Variants in PKP4 observed in about 807,000 individuals in gnomAD.
PKP4 encodes the protein plakophilin-4.
In PKP4, 90 loss-of-function variants were observed where a neutral mutation model predicts 145.1. That is an observed-to-expected ratio of 0.62 (90% CI 0.52 to 0.74). The LOEUF (loss-of-function observed/expected upper bound fraction) is 0.74, where lower values mean the gene tolerates loss of function less well. Ranked by LOEUF, PKP4 falls within the 30% of genes least tolerant of loss-of-function variation. The pLI, the probability that PKP4 is intolerant of heterozygous loss-of-function variation, is 0.00. For synonymous variants in PKP4, 563 were observed against 577.2 expected (o/e 0.98, Z 0.35); for missense variants, 1,340 against 1,482.7 (o/e 0.90, Z 1.58).
intron 1 of PKP4, among the ~76,000 whole-genome samples, chr2:158,516,317 TTAAG>T (rs1305281143): frequency 2.6e-5 from 4 of 152,226 alleles, no homozygotes; most frequent in South Asian, 2.1e-4. Context: ...AGATTACACT[TTAAG>T]TAACAAGATT....
intron 9 of PKP4, among the ~76,000 whole-genome samples, chr2:158,637,656 C>T (rs1009646653): frequency 2.0e-5 from 3 of 152,240 alleles, no homozygotes; most frequent in African/African-American, 7.2e-5. Flanking sequence ...TGTTTCCCTC[C>T]TCTCAAGGAT....
intron 11 of PKP4, among the ~76,000 whole-genome samples, chr2:158,646,533 G>A (rs1339965430): frequency 6.6e-6 from 1 of 152,142 alleles, no homozygotes; most frequent in African/African-American, 2.4e-5. Context: ...TATAGAGACA[G>A]CAAAATTGCT....
chr2:158,521,191 T>C (rs1279236841), intron 1 of PKP4, among the ~76,000 whole-genome samples: 2 of 152,226 alleles, frequency 1.3e-5, no homozygotes, highest in Non-Finnish European at 2.9e-5. Flanking sequence ...ATTTACACTG[T>C]CATCAGCAGC....
intron 2 of PKP4, chr2:158,548,741 G>T: frequency 3.3e-6 from 1 of 301,898 alleles, no homozygotes. Context: ...GTACTGACCA[G>T]AGACAAAGCA....
At chr2:158,470,147 C>T (rs755895099) in intron 1 of PKP4, among the ~76,000 whole-genome samples, 1 of 152,212 alleles carries the variant, frequency 6.6e-6, no homozygotes, top group Non-Finnish European at 1.5e-5. Flanking sequence ...CTGTAATTCT[C>T]TCATGTAGCA....
intron 1 of PKP4, among the ~76,000 whole-genome samples, chr2:158,473,228 A>G (rs1328853249): frequency 1.3e-5 from 2 of 152,222 alleles, no homozygotes; most frequent in Non-Finnish European, 2.9e-5. Context: ...TGTTAGTTCA[A>G]CCATTGTGGA....
At chr2:158,621,602 C>T (rs576693711) in intron 6 of PKP4, among the ~76,000 whole-genome samples, 181 bp downstream of exon 6, 74 of 152,074 alleles carry the variant, frequency 4.9e-4, no homozygotes, top group African/African-American at 1.7e-3. Context: ...AAAAATTAGC[C>T]GGGCGTGGTG....
intron 1 of PKP4, among the ~76,000 whole-genome samples, chr2:158,479,585 A>G (rs985585951): frequency 6.6e-6 from 1 of 152,130 alleles, no homozygotes; most frequent in Non-Finnish European, 1.5e-5. Context: ...TTTCCTTAAT[A>G]TAGTCTTATT....
chr2:158,680,284 T>G, intron 21 of PKP4, 145 bp from the exon 22 acceptor site: 4 of 648,582 alleles, frequency 6.2e-6, no homozygotes, highest in Non-Finnish European at 1.1e-5. Context: ...ACGCATAGTG[T>G]GCACCAGAAA....
rs67665979 is a variant in PKP4, at chr2:158,472,612, C to CAAA, written c.-6+15413_-6+15415dup. Among the ~76,000 whole-genome samples, 83 of 64,472 alleles carry CAAA rather than the reference C, an allele frequency of 1.3e-3. 1 individual carries two copies. Among genetic ancestry groups the CAAA allele is most frequent in the African/African-American group, 2.1e-3 (33 of 15,804 alleles). The allele number at this position is 64,472 out of a possible 152,430, so 42.3% of individuals were successfully genotyped here. On this transcript the variant is annotated intron_variant, in intron 1 of 21. Transcript: ENST00000389759. Reference sequence around the variant, plus strand: ...TGGGACACAGAGCGAGGCTCCATCTCAAAAAAAAAAAAAAAAAAAAAGAAT... The same window carrying CAAA: ...TGGGACACAGAGCGAGGCTCCATCTCAAAAAAAAAAAAAAAAAAAAAAAAGAAT...
intron 2 of PKP4, among the ~76,000 whole-genome samples, chr2:158,556,716 C>A (rs910289254): frequency 6.6e-6 from 1 of 152,154 alleles, no homozygotes; most frequent in Non-Finnish European, 1.5e-5. Context: ...CCCACAGCTG[C>A]TTCCCTGGAA....
chr2:158,523,139 G>T (rs1218949116), intron 1 of PKP4, among the ~76,000 whole-genome samples: 2 of 152,136 alleles, frequency 1.3e-5, no homozygotes, highest in Admixed American at 1.3e-4. Context: ...ACAGCTCAAG[G>T]AGGCCTGCCT....
At chr2:158,664,668 G>T (rs1020046269) in intron 15 of PKP4, among the ~76,000 whole-genome samples, 2 of 152,152 alleles carry the variant, frequency 1.3e-5, no homozygotes, top group African/African-American at 4.8e-5. Flanking sequence ...GTGCTAAGCC[G>T]GTGTGGTTAT....
intron 10 of PKP4, 87 bp downstream of exon 10, chr2:158,640,846 A>G: frequency 7.1e-7 from 1 of 1,399,012 alleles, no homozygotes; most frequent in Non-Finnish European, 1.0e-6. Flanking sequence ...GAAATTACCC[A>G]GTGTAATTCA....
intron 2 of PKP4, among the ~76,000 whole-genome samples, chr2:158,544,221 T>G (rs2044762838): frequency 6.6e-6 from 1 of 152,168 alleles, no homozygotes; most frequent in African/African-American, 2.4e-5. Flanking sequence ...TCAGTCTGCC[T>G]GTTAGACAGT....
intron 2 of PKP4, among the ~76,000 whole-genome samples, chr2:158,544,811 A>T (rs2044835315): frequency 6.6e-6 from 1 of 152,194 alleles, no homozygotes; most frequent in Non-Finnish European, 1.5e-5. Flanking sequence ...CAGAAGACAA[A>T]CACTGTGTCA....
chr2:158,640,512 T>C, intron 9 of PKP4, 115 bp from the exon 10 acceptor site: 1 of 1,112,954 alleles, frequency 9.0e-7, no homozygotes, highest in African/African-American at 1.6e-5. Context: ...TTTAGGATTT[T>C]TGTAACTTCC....
At chr2:158,644,637 C>T (rs375875789) in intron 11 of PKP4, among the ~76,000 whole-genome samples, 75 of 152,216 alleles carry the variant, frequency 4.9e-4, no homozygotes, top group African/African-American at 1.7e-3. Context: ...CAGAGTAATA[C>T]TATTTGAATA....
chr2:158,490,985 T>C (rs559193770), intron 1 of PKP4, among the ~76,000 whole-genome samples: 2 of 152,366 alleles, frequency 1.3e-5, no homozygotes, highest in Middle Eastern at 3.4e-3. Flanking sequence ...TGTACTCTTG[T>C]ATAATATGTA....
Sources: gnomAD v4.1 joint callset for allele counts (sites outside exome capture counted in the v4.1 genomes callset) on GRCh38, gnomAD v4.1.1 for gene constraint, MANE v1.5 for transcripts, NCBI Gene and HGNC (gene_info 2026-07-23, HGNC 2026-07-21) for gene names.